CWC15: variants seen among roughly 807,000 people sequenced by gnomAD.
CWC15 encodes the protein CWC15 spliceosome associated protein.
A neutral mutation model predicts 28.4 loss-of-function variants in CWC15; 12 were observed. The ratio of observed to expected loss-of-function variants is 0.42; its 90% CI spans 0.27 to 0.69. The LOEUF is 0.69. Among genes scored for constraint, CWC15 ranks in the 30% least tolerant of loss-of-function variants. The probability of loss-of-function intolerance (pLI) is 0.23; values close to 1 mark genes in which losing one functional copy is unlikely to be tolerated. For synonymous variants in CWC15, 92 were observed against 88.4 expected (o/e 1.04, Z -0.23); for missense variants, 192 against 271.5 (o/e 0.71, Z 2.06).
chr11:94,972,698 AT>A lies in CWC15; in HGVS notation c.-8-506del, dbSNP rs1857740285. Among the ~76,000 whole-genome samples, 3 of 152,348 alleles carry A rather than the reference AT, an allele frequency of 2.0e-5. No individual in the cohort carries two copies. In the South Asian group the frequency reaches 6.2e-4, roughly 32 times the overall value. The stretch of plus-strand genomic sequence containing the variant: ...AACAAAAGCTAAAAACAAACAAAAA[AT>A]ATCACTGACAAAGTTACTAAATGTC... On this transcript the variant is annotated intron_variant, in intron 1 of 6. Coordinates refer to ENST00000279839, the MANE Select transcript of CWC15 (RefSeq NM_016403.4).
chr11:94,963,257 A>G lies in CWC15; in HGVS notation c.*128T>C, dbSNP rs1183629118. 7.7e-6 allele frequency: 5 copies of G among 652,034 alleles called. No homozygotes were observed. Among genetic ancestry groups the G allele is most frequent in the Non-Finnish European group, 1.2e-5 (5 of 421,216 alleles). The allele number at this position is 652,034 out of a possible 1,614,324, so 40.4% of individuals were successfully genotyped here. On this transcript the variant is annotated 3_prime_UTR_variant, in exon 7 of 7. Transcript: ENST00000279839. ...TCAAGTAAGGTATCACTAAAGAAAA[A>G]GATAGGAGTTTAAAACTGGGGAAGC...
rs893567571 is a variant in CWC15, at chr11:94,962,758, T to C, written c.*627A>G. ...ATCCAGAACACAAGTGAGTACCGTA[T>C]ACTTTAAAAGAATGCTTACAGAGCT... On this transcript the variant is annotated 3_prime_UTR_variant, in exon 7 of 7. Transcript: ENST00000279839. 2.6e-5 allele frequency: 4 copies of C among 152,180 alleles called. No homozygotes were observed. Among genetic ancestry groups the C allele is most frequent in the African/African-American group, 9.7e-5 (4 of 41,426 alleles). The allele number at this position is 152,180 out of a possible 1,614,324, so 9.4% of individuals were successfully genotyped here.
rs1555096099 is a variant in CWC15 at position 94,970,978 on chromosome 11, T to C, written c.332A>G (p.Asp111Gly). The C allele has an allele frequency of 3.7e-6, 6 of 1,609,746 alleles. No individual in the cohort carries two copies. Among genetic ancestry groups the C allele is most frequent in the South Asian group, 3.3e-5 (3 of 90,992 alleles). ...ATGAAAGGAGGAAACAAAACATACA[T>C]CTGTTAGAGGGTCATCTGCATCAAG... ...ANLDADDPLT[D>G]EEDEDFEEES... The change falls in exon 4 of 7, where the codon GAT becomes GGT. Residue 111 changes from aspartate to glycine, a missense_variant and splice_region_variant. Coordinates refer to ENST00000279839, the MANE Select transcript of CWC15 (RefSeq NM_016403.4).
rs1857713308 is a variant in CWC15, at chr11:94,971,070, G to A, written c.245-5C>T. 6.2e-7 allele frequency: 1 copy of A among 1,610,782 alleles called. No individual in the cohort carries two copies. Among genetic ancestry groups the A allele is most frequent in the Non-Finnish European group, 8.5e-7 (1 of 1,177,162 alleles). ...CTGAAGAGGAGGTTGTATGTTCTGGGGGGAAACAAAAATCATTTAACTTAG... is the reference window on the plus strand; with the variant it reads ...CTGAAGAGGAGGTTGTATGTTCTGGAGGGAAACAAAAATCATTTAACTTAG... On this transcript the variant is annotated splice_region_variant and splice_polypyrimidine_tract_variant and intron_variant, in intron 3 of 6. Coordinates refer to ENST00000279839, the MANE Select transcript of CWC15 (RefSeq NM_016403.4).
intron 6 of CWC15, among the ~76,000 whole-genome samples, chr11:94,966,090 T>C (rs746726163): frequency 1.8e-4 from 27 of 152,196 alleles, no homozygotes; most frequent in Non-Finnish European, 4.0e-4. Context: ...TTTTCTTTCA[T>C]TTGGCTTCTT....
intron 4 of CWC15, 33 bp downstream of exon 4, chr11:94,970,944 T>A (rs1392979112): frequency 2.0e-6 from 3 of 1,488,186 alleles, no homozygotes; most frequent in Non-Finnish European, 2.8e-6. Flanking sequence ...GGTAAATCAA[T>A]TATTAGAGAT....
intron 4 of CWC15, 74 bp downstream of exon 4, chr11:94,970,903 C>A: frequency 8.1e-7 from 1 of 1,235,222 alleles, no homozygotes; most frequent in Non-Finnish European, 1.2e-6. Context: ...CTTCTTAAAG[C>A]AAAGACATAA....
intron 5 of CWC15, among the ~76,000 whole-genome samples, chr11:94,968,207 A>G (rs1462645675): frequency 6.6e-6 from 1 of 152,138 alleles, no homozygotes; most frequent in Non-Finnish European, 1.5e-5. Flanking sequence ...ATAACAGTGG[A>G]GGTGAGTAGG....
intron 5 of CWC15, 84 bp from the exon 6 acceptor site, chr11:94,966,497 A>C (rs1420066861): frequency 3.5e-4 from 293 of 829,008 alleles, no homozygotes; most frequent in Non-Finnish European, 4.5e-4. Flanking sequence ...GAAAAAAAAA[A>C]CAAAACTGAT....
intron 6 of CWC15, 29 bp downstream of exon 6, chr11:94,966,266 C>CACAA: frequency 8.8e-7 from 1 of 1,134,464 alleles, no homozygotes; most frequent in East Asian, 2.6e-5. Flanking sequence ...CACACACACA[C>CACAA]ACTCCATTAC....
chr11:94,968,267 C>T (rs2134101015), intron 5 of CWC15, among the ~76,000 whole-genome samples: 1 of 152,152 alleles, frequency 6.6e-6, no homozygotes, highest in South Asian at 2.1e-4. Flanking sequence ...ACTACCTGGC[C>T]CTTTACAGAA....
intron 5 of CWC15, among the ~76,000 whole-genome samples, chr11:94,969,725 G>T (rs1324578216): frequency 6.6e-6 from 1 of 152,114 alleles, no homozygotes; most frequent in Non-Finnish European, 1.5e-5. Context: ...TCGACTAAAT[G>T]TTGAACAAAT....
chr11:94,966,470 T>C lies in CWC15; in HGVS notation c.442-57A>G, dbSNP rs1857645046. 5 of 1,167,532 alleles carry C rather than the reference T, an allele frequency of 4.3e-6. No individual in the cohort carries two copies. The East Asian group carries it at 1.3e-4, about 31-fold the overall frequency. The allele number at this position is 1,167,532 out of a possible 1,614,324, so 72.3% of individuals were successfully genotyped here. On this transcript the variant is annotated intron_variant, in intron 5 of 6. Transcript: ENST00000279839. ...TTATTTTAACTCTGGGTTCAATTTT[T>C]TTTATATTAGCTCACTGAAAAAAAA...
At chr11:94,970,729 A>G in intron 4 of CWC15, 1 of 476,478 alleles carries the variant, frequency 2.1e-6, no homozygotes, top group Non-Finnish European at 3.8e-6. Flanking sequence ...TTTGGGGGAA[A>G]GCATATCCTT....
intron 5 of CWC15, 140 bp from the exon 6 acceptor site, chr11:94,966,553 T>G (rs587718191): frequency 5.5e-6 from 3 of 546,932 alleles, no homozygotes; most frequent in South Asian, 6.0e-5. Flanking sequence ...GGCTTTTTTT[T>G]TTTTTTTTTG....
intron 5 of CWC15, among the ~76,000 whole-genome samples, chr11:94,969,280 C>T (rs181106396): frequency 1.4e-4 from 22 of 152,268 alleles, no homozygotes; most frequent in Non-Finnish European, 3.1e-4. Context: ...AGCCTCCTAA[C>T]TCAGTTTTTT....
chr11:94,966,581 GAA>G (rs1464103873), intron 5 of CWC15, among the ~76,000 whole-genome samples, 168 bp from the exon 6 acceptor site: 2 of 123,338 alleles, frequency 1.6e-5, no homozygotes, highest in African/African-American at 6.2e-5. Context: ...AGGCATACTA[GAA>G]AAGTCTCCCT....
intron 1 of CWC15, 123 bp downstream of exon 1, chr11:94,973,375 T>C (rs1464438880): frequency 6.5e-6 from 1 of 152,912 alleles, no homozygotes; most frequent in African/African-American, 2.4e-5. Flanking sequence ...GTTCCGCCCC[T>C]AGCCCGCTGC....
At chr11:94,970,260 C>T in intron 4 of CWC15, 164 bp from the exon 5 acceptor site, 1 of 412,828 alleles carries the variant, frequency 2.4e-6, no homozygotes, top group Non-Finnish European at 4.3e-6. Flanking sequence ...AAAAAGTGTG[C>T]TAAATTCTCA....
Sources: allele counts gnomAD v4.1 joint callset (sites outside exome capture counted in the v4.1 genomes callset), GRCh38; gene constraint gnomAD v4.1.1; transcripts MANE v1.5; gene names NCBI Gene and HGNC (gene_info 2026-07-23, HGNC 2026-07-21).